The following PAM variants were observed in gnomAD, a reference collection of about 807,000 sequenced individuals.
PAM encodes peptidyl-glycine alpha-amidating monooxygenase.
Under a neutral mutation model 122.1 loss-of-function variants are expected in PAM, and 72 were observed. The observed-to-expected ratio is 0.59, with a 90% CI of 0.49 to 0.72. The LOEUF (loss-of-function observed/expected upper bound fraction) is 0.72. Ranked by LOEUF, PAM falls within the 30% of genes least tolerant of loss-of-function variation. The probability of loss-of-function intolerance (pLI) is 0.00; values close to 1 mark genes in which losing one functional copy is unlikely to be tolerated. For missense variants in PAM, 1,106 were observed against 1,183.7 expected (o/e 0.93, Z 0.96); for synonymous variants, 389 against 404.4 (o/e 0.96, Z 0.46).
chr5:102,830,125 G>A (rs972481888), intron 1 of PAM, among the ~76,000 whole-genome samples: 9 of 152,148 alleles, frequency 5.9e-5, no homozygotes, highest in Non-Finnish European at 1.2e-4. Context: ...CTGGTTGCAT[G>A]GCTGGCATTC....
intron 1 of PAM, among the ~76,000 whole-genome samples, chr5:102,857,678 G>A (rs13153062): frequency 0.035 from 5,369 of 152,260 alleles, 117 homozygotes; most frequent in Admixed American, 0.051. Flanking sequence ...TTACCAATTC[G>A]CTTTGTGTCC....
At chr5:102,985,785 A>C (rs1253430268) in intron 15 of PAM, among the ~76,000 whole-genome samples, 1 of 152,220 alleles carries the variant, frequency 6.6e-6, no homozygotes, top group Non-Finnish European at 1.5e-5. Flanking sequence ...ATAAGGATAC[A>C]GTGAAAAAAG....
intron 3 of PAM, among the ~76,000 whole-genome samples, chr5:102,900,086 A>C (rs1459392904): frequency 2.0e-5 from 3 of 151,500 alleles, no homozygotes; most frequent in Non-Finnish European, 4.4e-5. Flanking sequence ...TTCTGAAGTA[A>C]CTGCTCTAAG....
chr5:102,823,736 C>T (rs1406395682), intron 1 of PAM, among the ~76,000 whole-genome samples: 1 of 152,136 alleles, frequency 6.6e-6, no homozygotes. Flanking sequence ...GCTCTAAAGT[C>T]CAGTAGTCCT....
In PAM at chr5:102,950,416, G is replaced by GTGTGTGTGTGT. The variant is rs1758418594; in HGVS notation, c.802-301_802-300insTGTGTGTGTGT. 1.8e-3 allele frequency among the ~76,000 whole-genome samples: 261 copies of GTGTGTGTGTGT among 146,060 alleles called. 3 individuals are homozygous for GTGTGTGTGTGT. Among genetic ancestry groups the GTGTGTGTGTGT allele is most frequent in the African/African-American group, 6.4e-3 (249 of 39,010 alleles). ...CAGTGATTATTTGTGTATGTGGGTG[G>GTGTGTGTGTGT]GTGTGTGTGTGTGTGTGTGTGTGTC... is the stretch of plus-strand genomic sequence containing the variant. On this transcript the variant is annotated intron_variant, in intron 11 of 25. Transcript: ENST00000438793.
chr5:102,951,181 A>G (rs1562007047), intron 12 of PAM, among the ~76,000 whole-genome samples: 1 of 152,060 alleles, frequency 6.6e-6, no homozygotes. Flanking sequence ...CGGGGTCTAC[A>G]TTTGGTGATT....
intron 1 of PAM, among the ~76,000 whole-genome samples, chr5:102,756,078 C>T (rs1156959125): frequency 6.6e-6 from 1 of 152,152 alleles, no homozygotes; most frequent in East Asian, 1.9e-4. Context: ...TGTATGTTGT[C>T]ATCTGCAAAA....
At chr5:102,904,491 C>A (rs979991346) in intron 4 of PAM, among the ~76,000 whole-genome samples, 6 of 151,452 alleles carry the variant, frequency 4.0e-5, no homozygotes, top group Non-Finnish European at 8.9e-5. Flanking sequence ...GATAATTTAC[C>A]TTTCTACCTT....
chr5:102,926,286 G>A (rs1274953003), intron 6 of PAM, among the ~76,000 whole-genome samples: 1 of 152,190 alleles, frequency 6.6e-6, no homozygotes, highest in Non-Finnish European at 1.5e-5. Flanking sequence ...ATAATCAATA[G>A]AGACAGAATT....
chr5:102,786,171 G>C (rs1760468646), intron 1 of PAM, among the ~76,000 whole-genome samples: 1 of 152,182 alleles, frequency 6.6e-6, no homozygotes, highest in African/African-American at 2.4e-5. Context: ...TCACATTTCA[G>C]CTGTTAAAGG....
intron 15 of PAM, among the ~76,000 whole-genome samples, chr5:102,982,759 A>G (rs1770347628): frequency 6.6e-6 from 1 of 152,230 alleles, no homozygotes; most frequent in Admixed American, 6.5e-5. Context: ...TAAAACTGGA[A>G]GAAGCAACTG....
chr5:102,996,011 G>A (rs1775590243), intron 16 of PAM, among the ~76,000 whole-genome samples: 1 of 151,730 alleles, frequency 6.6e-6, no homozygotes, highest in Non-Finnish European at 1.5e-5. Context: ...TCTTCCTTCA[G>A]TTGCTGTTAT....
chr5:103,029,300 C>A lies in PAM; in HGVS notation c.*235C>A. 1 of 358,838 alleles carries A rather than the reference C, an allele frequency of 2.8e-6. No homozygotes were observed. The highest frequency in any genetic ancestry group is 5.0e-6 in the Non-Finnish European group (1 of 201,376). The allele number at this position is 358,838 out of a possible 1,614,324, so 22.2% of individuals were successfully genotyped here. On this transcript the variant is annotated 3_prime_UTR_variant, in exon 26 of 26. Transcript: ENST00000438793. ...TATGAACATAGACTAGAGAAACCGT[C>A]CTCTTTTTCCATCATAATTCTAATC...
chr5:102,927,470 A>C (rs116339827), intron 7 of PAM, among the ~76,000 whole-genome samples: 277 of 152,116 alleles, frequency 1.8e-3, no homozygotes, highest in African/African-American at 6.3e-3. Context: ...TGAATTCTCT[A>C]ATTTGACAGT....
intron 15 of PAM, among the ~76,000 whole-genome samples, chr5:102,977,653 T>G (rs970487311): frequency 1.6e-5 from 2 of 125,402 alleles, no homozygotes; most frequent in African/African-American, 3.2e-5. Flanking sequence ...CACACATGCA[T>G]GTGCGCACAC....
chr5:102,949,785 C>A, intron 10 of PAM, 117 bp from the exon 11 acceptor site: 1 of 690,238 alleles, frequency 1.4e-6, no homozygotes. Context: ...TTAAGATACT[C>A]AGTCTTTGCA....
At chr5:103,016,642 G>A (rs1187995901) in intron 21 of PAM, among the ~76,000 whole-genome samples, 1 of 152,124 alleles carries the variant, frequency 6.6e-6, no homozygotes, top group Admixed American at 6.5e-5. Flanking sequence ...TTGAAATAGA[G>A]AAAGATATAT....
intron 3 of PAM, among the ~76,000 whole-genome samples, chr5:102,890,075 T>C (rs1260129793): frequency 6.6e-6 from 1 of 151,984 alleles, no homozygotes; most frequent in Non-Finnish European, 1.5e-5. Context: ...ATCAGGGTAT[T>C]TATTCGATAG....
chr5:102,987,642 G>T, intron 15 of PAM: 1 of 386,292 alleles, frequency 2.6e-6, no homozygotes, highest in East Asian at 7.9e-5. Flanking sequence ...CTATAAATAT[G>T]TACAATTATT....
Sources: allele counts gnomAD v4.1 joint callset (sites outside exome capture counted in the v4.1 genomes callset), GRCh38; gene constraint gnomAD v4.1.1; transcripts MANE v1.5; gene names NCBI Gene and HGNC (gene_info 2026-07-23, HGNC 2026-07-21).